Variants in KIAA1328 observed in about 807,000 individuals in gnomAD.
KIAA1328 encodes the protein protein hinderin.
In KIAA1328, 52 loss-of-function variants were observed where a neutral mutation model predicts 68.1. The observed-to-expected ratio is 0.76, with a 90% CI of 0.61 to 0.96. KIAA1328 has a LOEUF of 0.96. KIAA1328 is among the 40% of genes least tolerant of loss of function. The probability of loss-of-function intolerance (pLI) is 0.00; values close to 1 mark genes in which losing one functional copy is unlikely to be tolerated. For missense variants in KIAA1328, 641 were observed against 677.6 expected (o/e 0.95, Z 0.60); for synonymous variants, 232 against 239.4 (o/e 0.97, Z 0.28).
intron 6 of KIAA1328, among the ~76,000 whole-genome samples, chr18:37,062,072 C>T (rs762677540): frequency 1.3e-5 from 2 of 152,156 alleles, no homozygotes; most frequent in Non-Finnish European, 2.9e-5. Context: ...CTTACAAGAA[C>T]CCTAAAAGGC....
chr18:37,192,084 GT>G (rs2059915551), intron 9 of KIAA1328, among the ~76,000 whole-genome samples: 1 of 151,770 alleles, frequency 6.6e-6, no homozygotes, highest in Non-Finnish European at 1.5e-5. Flanking sequence ...AGCTCATCCT[GT>G]CCCCACTGAA....
At chr18:36,997,777 C>T (rs1489834886) in intron 6 of KIAA1328, among the ~76,000 whole-genome samples, 1 of 152,170 alleles carries the variant, frequency 6.6e-6, no homozygotes, top group Non-Finnish European at 1.5e-5. Context: ...CCACAGCAGC[C>T]AGTGCTGGTA....
At chr18:37,131,742 T>C (rs917515581) in intron 7 of KIAA1328, among the ~76,000 whole-genome samples, 1 of 152,210 alleles carries the variant, frequency 6.6e-6, no homozygotes, top group East Asian at 1.9e-4. Flanking sequence ...AAAAAAAGAC[T>C]ATCATGTAAA....
At chr18:37,002,205 T>C (rs893950180) in intron 6 of KIAA1328, among the ~76,000 whole-genome samples, 1 of 149,624 alleles carries the variant, frequency 6.7e-6, no homozygotes, top group Admixed American at 6.8e-5. Flanking sequence ...AGCATTTCTT[T>C]TTCTTTTTCT....
At chr18:37,101,240 A>G (rs1384117913) in intron 7 of KIAA1328, among the ~76,000 whole-genome samples, 1 of 152,204 alleles carries the variant, frequency 6.6e-6, no homozygotes, top group Non-Finnish European at 1.5e-5. Flanking sequence ...GGAAGTTCGA[A>G]GCCATGGCAA....
intron 7 of KIAA1328, among the ~76,000 whole-genome samples, chr18:37,117,103 C>T (rs1385417338): frequency 3.9e-5 from 6 of 152,154 alleles, no homozygotes; most frequent in Non-Finnish European, 8.8e-5. Context: ...GACAGTGTGG[C>T]GATTCCTCAG....
chr18:36,862,669 A>G (rs943217016), intron 4 of KIAA1328, among the ~76,000 whole-genome samples: 1 of 152,194 alleles, frequency 6.6e-6, no homozygotes, highest in African/African-American at 2.4e-5. Context: ...ATCCATATGT[A>G]GGTTTTTGTG....
In KIAA1328 at chr18:37,028,268, C is replaced by T. The variant is rs185977903; in HGVS notation, c.577-38622C>T. On this transcript the variant is annotated intron_variant, in intron 6 of 9. Transcript: ENST00000280020. Reference sequence around the variant, plus strand: ...TTTTACCTTCCTGATTAGCTGTATTCGAAAATATTTTATTTTTTGTGTATG... The same window carrying T: ...TTTTACCTTCCTGATTAGCTGTATTTGAAAATATTTTATTTTTTGTGTATG... Among the ~76,000 whole-genome samples the T allele has an allele frequency of 1.4e-4, 21 of 152,112 alleles. No homozygotes were observed. In the East Asian group the frequency reaches 2.7e-3, roughly 20 times the overall value.
intron 7 of KIAA1328, among the ~76,000 whole-genome samples, chr18:37,115,034 C>CA (rs954596277): frequency 6.6e-6 from 1 of 151,806 alleles, no homozygotes; most frequent in Non-Finnish European, 1.5e-5. Flanking sequence ...AGCCTACCAA[C>CA]AAAAAAAAGT....
intron 5 of KIAA1328, among the ~76,000 whole-genome samples, chr18:36,945,471 G>C (rs891825990): frequency 6.6e-6 from 1 of 152,082 alleles, no homozygotes; most frequent in East Asian, 1.9e-4. Context: ...TTTTCAAAGA[G>C]ACAAGTAATG....
chr18:37,071,793 A>G (rs1261917324), intron 7 of KIAA1328, among the ~76,000 whole-genome samples: 1 of 152,140 alleles, frequency 6.6e-6, no homozygotes, highest in Non-Finnish European at 1.5e-5. Flanking sequence ...TAACTTATCA[A>G]AGTCTACTGG....
At chr18:36,950,164 A>G (rs2051101589) in intron 5 of KIAA1328, among the ~76,000 whole-genome samples, 1 of 152,012 alleles carries the variant, frequency 6.6e-6, no homozygotes, top group Admixed American at 6.5e-5. Flanking sequence ...TCTTTTTTTC[A>G]AAAGGGAGAA....
chr18:37,219,850 T>C (rs1173906147), intron 9 of KIAA1328, among the ~76,000 whole-genome samples: 1 of 152,106 alleles, frequency 6.6e-6, no homozygotes, highest in Non-Finnish European at 1.5e-5. Context: ...GTCCATCCAG[T>C]CCCAATGAGA....
At chr18:37,040,352 C>T (rs1380829081) in intron 6 of KIAA1328, among the ~76,000 whole-genome samples, 1 of 152,120 alleles carries the variant, frequency 6.6e-6, no homozygotes, top group Admixed American at 6.5e-5. Context: ...TCTAAGTTGT[C>T]TGATCTGTTG....
At chr18:37,100,788 A>C (rs2057587738) in intron 7 of KIAA1328, among the ~76,000 whole-genome samples, 1 of 152,122 alleles carries the variant, frequency 6.6e-6, no homozygotes, top group East Asian at 1.9e-4. Context: ...GCAGACCGAC[A>C]CCTCACACGG....
chr18:37,084,468 T>C (rs911586838), intron 7 of KIAA1328: 31 of 276,114 alleles, frequency 1.1e-4, no homozygotes, highest in African/African-American at 6.3e-4. Context: ...ATTTCTTTTT[T>C]GTTTTTTGTT....
At chr18:37,219,421 C>T (rs1378151057) in intron 9 of KIAA1328, among the ~76,000 whole-genome samples, 15 of 152,230 alleles carry the variant, frequency 9.9e-5, no homozygotes, top group Non-Finnish European at 2.2e-4. Flanking sequence ...CAGCTCTGCC[C>T]TTCCCCCAGA....
intron 7 of KIAA1328, among the ~76,000 whole-genome samples, chr18:37,154,520 T>C (rs1335746873): frequency 6.6e-6 from 1 of 152,196 alleles, no homozygotes; most frequent in East Asian, 1.9e-4. Context: ...ACTAGGACCT[T>C]GACGTCCCAC....
chr18:37,081,474 T>C (rs1318268212), intron 7 of KIAA1328, among the ~76,000 whole-genome samples: 2 of 152,212 alleles, frequency 1.3e-5, no homozygotes, highest in Admixed American at 1.3e-4. Context: ...TATGTAATTT[T>C]ATCACTTTGG....
Sources: gnomAD v4.1 joint callset for allele counts (sites outside exome capture counted in the v4.1 genomes callset) on GRCh38, gnomAD v4.1.1 for gene constraint, MANE v1.5 for transcripts, NCBI Gene and HGNC (gene_info 2026-07-23, HGNC 2026-07-21) for gene names.